SLC25A48: variants seen among roughly 807,000 people sequenced by gnomAD.
SLC25A48 encodes CTC-321K16.1.
In SLC25A48, 29 loss-of-function variants were observed where a neutral mutation model predicts 32.2. That is an observed-to-expected ratio of 0.90 (90% CI 0.67 to 1.23). The LOEUF (loss-of-function observed/expected upper bound fraction) is 1.23, where lower values mean the gene tolerates loss of function less well. Among genes scored for constraint, SLC25A48 ranks in the 50% most tolerant of loss-of-function variants. The probability of loss-of-function intolerance (pLI) is 0.00; values close to 1 mark genes in which losing one functional copy is unlikely to be tolerated. For missense variants in SLC25A48, 399 were observed against 422.7 expected (o/e 0.94, Z 0.49); for synonymous variants, 164 against 172.3 (o/e 0.95, Z 0.38).
intron 4 of SLC25A48, among the ~76,000 whole-genome samples, chr5:135,857,062 T>C (rs1760384819): frequency 6.6e-6 from 1 of 152,228 alleles, no homozygotes; most frequent in South Asian, 2.1e-4. Context: ...CGAATATCTG[T>C]TTGCAAGTAT....
intron 2 of SLC25A48, among the ~76,000 whole-genome samples, chr5:135,844,053 G>A (rs1004362584): frequency 3.3e-5 from 5 of 152,172 alleles, no homozygotes; most frequent in African/African-American, 1.2e-4. Flanking sequence ...CCAGAGCTAA[G>A]CCAGGTCCTT....
In SLC25A48 at chr5:135,625,568, T is replaced by C. The variant is rs73789300; in HGVS notation, c.-848-3669T>C. Among the ~76,000 whole-genome samples, 1,410 of 152,262 alleles carry C rather than the reference T, an allele frequency of 9.3e-3. 25 individuals carry two copies. The highest frequency in any genetic ancestry group is 0.032 in the African/African-American group (1,338 of 41,544). On this transcript the variant is annotated intron_variant, in intron 1 of 10. Transcript: ENST00000646290. ...GAGGACTGCCAGAGCCCAACATGGA[T>C]TGCCTACCTCTGCAGTCTCACTCGG...
At chr5:135,756,588 T>A (rs1755912468) in intron 3 of SLC25A48, among the ~76,000 whole-genome samples, 1 of 152,084 alleles carries the variant, frequency 6.6e-6, no homozygotes, top group Admixed American at 6.6e-5. Flanking sequence ...TGAGAATCAC[T>A]TGAACCCAGG....
intron 1 of SLC25A48, among the ~76,000 whole-genome samples, chr5:135,605,154 A>T (rs1332486118): frequency 1.3e-5 from 2 of 152,224 alleles, no homozygotes; most frequent in African/African-American, 2.4e-5. Flanking sequence ...TATCTATGTT[A>T]TGGAATTTTG....
intron 3 of SLC25A48, among the ~76,000 whole-genome samples, chr5:135,771,478 A>C (rs1036997993): frequency 4.0e-5 from 6 of 150,722 alleles, no homozygotes; most frequent in African/African-American, 1.2e-4. Flanking sequence ...GGGAATGTAC[A>C]CTCCCCTGTG....
chr5:135,729,698 GA>G (rs1755179681), intron 3 of SLC25A48, among the ~76,000 whole-genome samples: 1 of 152,172 alleles, frequency 6.6e-6, no homozygotes, highest in South Asian at 2.1e-4. Flanking sequence ...GGATAGCTCA[GA>G]AAGTTCCTCA....
At chr5:135,818,053 TCCTCTCTCTCTC>T (rs1197674067) in intron 4 of SLC25A48, among the ~76,000 whole-genome samples, 2 of 46,558 alleles carry the variant, frequency 4.3e-5, no homozygotes, top group Admixed American at 2.5e-4. Context: ...TTCTCTCTGT[TCCTCTCTCTCTC>T]TCTCTCTCTC....
At chr5:135,801,190 C>G (rs1383780254) in intron 3 of SLC25A48, among the ~76,000 whole-genome samples, 2 of 149,712 alleles carry the variant, frequency 1.3e-5, no homozygotes, top group African/African-American at 4.9e-5. Flanking sequence ...TTGTAATATC[C>G]AGGGTGGTAG....
intron 4 of SLC25A48, among the ~76,000 whole-genome samples, chr5:135,860,691 G>A (rs1162981797): frequency 2.0e-5 from 3 of 152,192 alleles, no homozygotes; most frequent in Non-Finnish European, 2.9e-5. Context: ...TGTGGTCTGC[G>A]CCCTGGGTCA....
At chr5:135,602,806 T>TC (rs1178411020) in intron 1 of SLC25A48, among the ~76,000 whole-genome samples, 2 of 152,112 alleles carry the variant, frequency 1.3e-5, no homozygotes, top group African/African-American at 4.8e-5. Flanking sequence ...ATGTTCCTCT[T>TC]CCTGTGTCCA....
chr5:135,731,963 G>A (rs375634159), intron 3 of SLC25A48, among the ~76,000 whole-genome samples: 6 of 152,380 alleles, frequency 3.9e-5, no homozygotes, highest in African/African-American at 1.4e-4. Context: ...GAAGATAGTA[G>A]AGATGACAAG....
intron 4 of SLC25A48, among the ~76,000 whole-genome samples, chr5:135,816,183 A>C (rs1757714175): frequency 6.6e-6 from 1 of 152,224 alleles, no homozygotes; most frequent in African/African-American, 2.4e-5. Flanking sequence ...CATCCCCATC[A>C]TCCAATTACC....
chr5:135,864,888 TG>T (rs1440748462), intron 4 of SLC25A48, among the ~76,000 whole-genome samples: 2 of 152,234 alleles, frequency 1.3e-5, no homozygotes, highest in Non-Finnish European at 2.9e-5. Context: ...TGGCCCCATG[TG>T]GGCAACAGTG....
At chr5:135,814,707 G>T (rs72791365) in intron 4 of SLC25A48, among the ~76,000 whole-genome samples, 1 of 152,046 alleles carries the variant, frequency 6.6e-6, no homozygotes, top group African/African-American at 2.4e-5. Context: ...TGAATCCCCA[G>T]CCCTGGTGTG....
intron 4 of SLC25A48, among the ~76,000 whole-genome samples, chr5:135,867,424 T>C (rs1250374882): frequency 6.6e-6 from 1 of 152,186 alleles, no homozygotes; most frequent in African/African-American, 2.4e-5. Flanking sequence ...TTTCACAAAC[T>C]AAAATTGGTC....
chr5:135,873,931 G>GA, intron 5 of SLC25A48, 90 bp from the exon 6 acceptor site: 1 of 1,354,020 alleles, frequency 7.4e-7, no homozygotes, highest in Non-Finnish European at 9.7e-7. Context: ...CCAGCTTAAT[G>GA]AATCTCTAAA....
At chr5:135,743,333 A>G (rs925423932) in intron 3 of SLC25A48, among the ~76,000 whole-genome samples, 6 of 151,506 alleles carry the variant, frequency 4.0e-5, no homozygotes, top group Non-Finnish European at 5.9e-5. Context: ...CGGCCTCCCA[A>G]AGTGTTGGAA....
chr5:135,860,890 G>A (rs917709754), intron 4 of SLC25A48, among the ~76,000 whole-genome samples: 7 of 152,138 alleles, frequency 4.6e-5, no homozygotes, highest in Admixed American at 6.5e-5. Context: ...TGGCTTCTTC[G>A]CTCTGGTACA....
chr5:135,824,008 G>A (rs548524569), intron 4 of SLC25A48, among the ~76,000 whole-genome samples: 1 of 152,308 alleles, frequency 6.6e-6, no homozygotes, highest in Admixed American at 6.5e-5. Flanking sequence ...AGAGGCACCA[G>A]ACAGATAAGA....
Sources: gnomAD v4.1 joint callset for allele counts (sites outside exome capture counted in the v4.1 genomes callset) on GRCh38, gnomAD v4.1.1 for gene constraint, MANE v1.5 for transcripts, NCBI Gene and HGNC (gene_info 2026-07-23, HGNC 2026-07-21) for gene names.